Variants in LRRC4C observed in about 807,000 individuals in gnomAD.
LRRC4C encodes the protein leucine-rich repeat-containing protein 4C.
LRRC4C carries 5 observed loss-of-function variants against 33.6 expected under a neutral mutation model. The ratio of observed to expected loss-of-function variants is 0.15; its 90% CI spans 0.08 to 0.31. LRRC4C has a LOEUF of 0.31. Among genes scored for constraint, LRRC4C ranks in the 10% least tolerant of loss-of-function variants. The pLI is 1.00. For missense variants in LRRC4C, 560 were observed against 796.7 expected, an observed-to-expected ratio of 0.70 and a Z score of 3.58; for synonymous variants, 329 against 302.0, an observed-to-expected ratio of 1.09 and a Z score of -0.93.
intron 1 of LRRC4C, among the ~76,000 whole-genome samples, chr11:41,406,314 A>G (rs1464908334): frequency 6.6e-6 from 1 of 152,168 alleles, no homozygotes; most frequent in African/African-American, 2.4e-5. Flanking sequence ...TATCACATGA[A>G]GAAGTTGATT....
chr11:40,719,733 A>G (rs116668521), intron 2 of LRRC4C, among the ~76,000 whole-genome samples: 13 of 152,156 alleles, frequency 8.5e-5, no homozygotes, highest in Admixed American at 8.5e-4. Flanking sequence ...ATATTTGTAC[A>G]TTGTCATTTG....
chr11:40,514,656 C>T (rs1431186133), intron 3 of LRRC4C, among the ~76,000 whole-genome samples: 1 of 151,960 alleles, frequency 6.6e-6, no homozygotes, highest in African/African-American at 2.4e-5. Context: ...TTCCTTCCAT[C>T]TATTGTCTTC....
At chr11:40,315,619 T>C (rs1945538522) in intron 4 of LRRC4C, among the ~76,000 whole-genome samples, 1 of 151,908 alleles carries the variant, frequency 6.6e-6, no homozygotes, top group Non-Finnish European at 1.5e-5. Context: ...TATAACACAG[T>C]CTATTTTTAG....
At chr11:41,427,822 T>G (rs1955093446) in intron 1 of LRRC4C, among the ~76,000 whole-genome samples, 1 of 151,966 alleles carries the variant, frequency 6.6e-6, no homozygotes, top group Admixed American at 6.6e-5. Context: ...ACAAAAGAAG[T>G]GAAAATGGCT....
At chr11:40,442,185 A>AAT (rs1951429486) in intron 3 of LRRC4C, among the ~76,000 whole-genome samples, 1 of 151,114 alleles carries the variant, frequency 6.6e-6, no homozygotes, top group Non-Finnish European at 1.5e-5. Flanking sequence ...AAAAAAAAAA[A>AAT]AAAGATCAAC....
intron 3 of LRRC4C, among the ~76,000 whole-genome samples, chr11:40,465,688 A>C (rs1952616499): frequency 6.6e-6 from 1 of 152,006 alleles, no homozygotes; most frequent in South Asian, 2.1e-4. Context: ...GAACAAGCTT[A>C]TGAATAAATG....
At chr11:40,944,509 G>A (rs1239893534) in intron 1 of LRRC4C, among the ~76,000 whole-genome samples, 1 of 152,150 alleles carries the variant, frequency 6.6e-6, no homozygotes, top group Non-Finnish European at 1.5e-5. Flanking sequence ...CGTGAAGTTT[G>A]CTAATTTTAT....
intron 2 of LRRC4C, among the ~76,000 whole-genome samples, chr11:40,879,493 G>C (rs1396978176): frequency 6.6e-6 from 1 of 152,108 alleles, no homozygotes; most frequent in Non-Finnish European, 1.5e-5. Flanking sequence ...CGAGTCCTGT[G>C]GGGGAAAACA....
intron 3 of LRRC4C, among the ~76,000 whole-genome samples, chr11:40,563,248 C>G (rs1957623800): frequency 1.3e-5 from 2 of 152,094 alleles, no homozygotes; most frequent in African/African-American, 2.4e-5. Context: ...CACTCACTGC[C>G]CAGCTGGAAG....
intron 2 of LRRC4C, among the ~76,000 whole-genome samples, chr11:40,722,603 C>T (rs1425471816): frequency 6.6e-6 from 1 of 152,096 alleles, no homozygotes; most frequent in Non-Finnish European, 1.5e-5. Flanking sequence ...ACAAAGAGCC[C>T]CTTCTGACTG....
At chr11:40,951,526 T>C (rs1304742834) in intron 1 of LRRC4C, among the ~76,000 whole-genome samples, 1 of 152,036 alleles carries the variant, frequency 6.6e-6, no homozygotes, top group Non-Finnish European at 1.5e-5. Flanking sequence ...TTGTATTGCA[T>C]ACAGAAACTG....
intron 1 of LRRC4C, among the ~76,000 whole-genome samples, chr11:41,217,041 A>G (rs1947092809): frequency 2.0e-5 from 3 of 152,170 alleles, no homozygotes; most frequent in African/African-American, 4.8e-5. Flanking sequence ...TTATCTCTTC[A>G]TCTGATACTA....
At chr11:40,855,647 A>G (rs1187688328) in intron 2 of LRRC4C, among the ~76,000 whole-genome samples, 1 of 152,174 alleles carries the variant, frequency 6.6e-6, no homozygotes, top group African/African-American at 2.4e-5. Context: ...AAGTGTCACC[A>G]TAGAAAATGA....
intron 2 of LRRC4C, among the ~76,000 whole-genome samples, chr11:40,879,477 A>C (rs906074809): frequency 1.2e-4 from 18 of 152,198 alleles, no homozygotes; most frequent in African/African-American, 4.1e-4. Context: ...ATGCGTGAAT[A>C]TGTAACGAGT....
chr11:40,225,605 TTCTC>T (rs1005029405), intron 5 of LRRC4C, among the ~76,000 whole-genome samples: 1 of 147,582 alleles, frequency 6.8e-6, no homozygotes. Context: ...TATTTCCCAA[TTCTC>T]TCTCTCTCTC....
intron 1 of LRRC4C, among the ~76,000 whole-genome samples, chr11:41,189,312 T>TA (rs1227093944): frequency 1.3e-5 from 2 of 151,840 alleles, no homozygotes; most frequent in African/African-American, 2.4e-5. Context: ...TTAAGACAAG[T>TA]AAAAAAAGAC....
chr11:40,218,160 T>C (rs1472372736), intron 5 of LRRC4C, among the ~76,000 whole-genome samples: 1 of 152,158 alleles, frequency 6.6e-6, no homozygotes, highest in Non-Finnish European at 1.5e-5. Context: ...ATAACTAATG[T>C]TTTTTATCCC....
At chr11:41,157,384 C>T (rs755566796) in intron 1 of LRRC4C, among the ~76,000 whole-genome samples, 5 of 151,972 alleles carry the variant, frequency 3.3e-5, no homozygotes, top group Admixed American at 6.6e-5. Context: ...AAAGGTTGTG[C>T]GAGTTCTCTA....
chr11:40,984,068 T>G (rs1222918878), intron 1 of LRRC4C, among the ~76,000 whole-genome samples: 1 of 152,064 alleles, frequency 6.6e-6, no homozygotes, highest in Non-Finnish European at 1.5e-5. Context: ...AATAACATAT[T>G]TAATTGGATT....
Sources: gnomAD v4.1 joint callset for allele counts (sites outside exome capture counted in the v4.1 genomes callset) on GRCh38, gnomAD v4.1.1 for gene constraint, MANE v1.5 for transcripts, NCBI Gene and HGNC (gene_info 2026-07-23, HGNC 2026-07-21) for gene names.